The following FILIP1L variants were observed in gnomAD, a reference collection of about 807,000 sequenced individuals.
FILIP1L encodes filamin A-interacting protein 1-like.
In FILIP1L, 55 loss-of-function variants were observed where a neutral mutation model predicts 96.6. The observed-to-expected ratio is 0.57, with a 90% CI of 0.46 to 0.71. FILIP1L has a LOEUF of 0.71. Among genes scored for constraint, FILIP1L ranks in the 30% least tolerant of loss-of-function variants. The probability of loss-of-function intolerance (pLI) is 0.00; values close to 1 mark genes in which losing one functional copy is unlikely to be tolerated. For synonymous variants in FILIP1L, 467 were observed against 473.9 expected, an observed-to-expected ratio of 0.99 and a Z score of 0.19; for missense variants, 1,304 against 1,321.2, an observed-to-expected ratio of 0.99 and a Z score of 0.20.
chr3:99,938,453 CAT>C (rs1707758340), intron 1 of FILIP1L, among the ~76,000 whole-genome samples: 2 of 152,306 alleles, frequency 1.3e-5, no homozygotes, highest in South Asian at 4.2e-4. Context: ...GTACGACACT[CAT>C]GGCCAAGGAA....
chr3:99,992,921 T>A (rs1026230114), intron 1 of FILIP1L, among the ~76,000 whole-genome samples: 4 of 152,022 alleles, frequency 2.6e-5, no homozygotes, highest in African/African-American at 9.7e-5. Context: ...TTGAACAGGT[T>A]GTCATTTCCT....
At position 100,037,470 on chromosome 3, in the gene FILIP1L, A is replaced by ACG. The variant is rs529722609; in HGVS notation, c.-11+76582_-11+76583insCG. ...CAAACAGACACACACACACACACGCACATTGTTATCTTCACTTTAAATAAA... is the reference window on the plus strand; with the variant it reads ...CAAACAGACACACACACACACACGCACGCATTGTTATCTTCACTTTAAATAAA... On this transcript the variant is annotated intron_variant, in intron 1 of 5. Coordinates refer to ENST00000477258, the MANE Select transcript of FILIP1L (RefSeq NM_001387850.1). 8.7e-4 allele frequency among the ~76,000 whole-genome samples: 133 copies of ACG among 152,100 alleles called. 1 individual carries two copies. In the South Asian group the frequency reaches 0.017, roughly 19 times the overall value.
At position 99,848,914 on chromosome 3, in the gene FILIP1L, C is replaced by G; in HGVS notation, c.2762G>C (p.Ser921Thr). ...VQNTATLEITSPTTESPHSYT... is the reference protein window; with the variant it reads ...VQNTATLEITTPTTESPHSYT... ...AGAGTGAGGACTCTCTGTGGTTGGA[C>G]TTGTGATTTCAAGAGTGGCTGTGTT... is the stretch of plus-strand genomic sequence containing the variant. The change falls in exon 5 of 6, where the codon AGT becomes ACT. Residue 921 changes from serine to threonine, a missense_variant. Physicochemically the swap from Ser to Thr is moderately conservative, Grantham distance 58. Coordinates refer to ENST00000477258, the MANE Select transcript of FILIP1L (RefSeq NM_001387850.1). The G allele has an allele frequency of 3.1e-6, 5 of 1,614,064 alleles. No individual in the cohort carries two copies. The highest frequency in any genetic ancestry group is 4.2e-6 in the Non-Finnish European group (5 of 1,180,014).
intron 1 of FILIP1L, among the ~76,000 whole-genome samples, chr3:100,078,211 T>G (rs1394522177): frequency 1.3e-5 from 2 of 152,178 alleles, no homozygotes; most frequent in Non-Finnish European, 2.9e-5. Flanking sequence ...AATTAACTTT[T>G]CAAAGTGTTG....
At chr3:100,076,657 C>T (rs913689465) in intron 1 of FILIP1L, among the ~76,000 whole-genome samples, 1 of 152,182 alleles carries the variant, frequency 6.6e-6, no homozygotes, top group Admixed American at 6.5e-5. Flanking sequence ...GTGTACTTTA[C>T]TGTTCATTTT....
chr3:99,983,510 GTA>G (rs1312874010), intron 1 of FILIP1L, among the ~76,000 whole-genome samples: 6 of 82,424 alleles, frequency 7.3e-5, no homozygotes, highest in African/African-American at 2.9e-4. Flanking sequence ...ATATATATAT[GTA>G]TATATATACA....
intron 4 of FILIP1L, among the ~76,000 whole-genome samples, chr3:99,872,069 C>T (rs1031227919): frequency 2.0e-5 from 3 of 152,196 alleles, no homozygotes; most frequent in East Asian, 1.9e-4. Context: ...CTCCTCTCTT[C>T]CTAGCACTAA....
At chr3:100,075,610 C>G (rs552438905) in intron 1 of FILIP1L, 34 of 150,290 alleles carry the variant, frequency 2.3e-4, no homozygotes, top group African/African-American at 8.1e-4. Context: ...ATGGCAGACT[C>G]TGTTTTCTTT....
intron 1 of FILIP1L, among the ~76,000 whole-genome samples, chr3:100,054,793 C>T (rs911412837): frequency 6.6e-6 from 1 of 152,160 alleles, no homozygotes; most frequent in Non-Finnish European, 1.5e-5. Flanking sequence ...CTCTGGATCC[C>T]GTAACCTTGC....
intron 1 of FILIP1L, among the ~76,000 whole-genome samples, chr3:99,934,536 T>G (rs537869857): frequency 1.3e-5 from 2 of 152,350 alleles, no homozygotes; most frequent in Admixed American, 6.5e-5. Flanking sequence ...CTGCTGCTAA[T>G]CAATGAGAAT....
chr3:99,969,552 G>T (rs186716479), intron 1 of FILIP1L, among the ~76,000 whole-genome samples: 1 of 152,308 alleles, frequency 6.6e-6, no homozygotes, highest in Admixed American at 6.5e-5. Context: ...TTGAAGTAAT[G>T]AGCCGTGCTA....
At chr3:100,058,763 A>G (rs768691903) in intron 1 of FILIP1L, among the ~76,000 whole-genome samples, 3 of 152,372 alleles carry the variant, frequency 2.0e-5, no homozygotes, top group South Asian at 4.1e-4. Flanking sequence ...AGGACGCTGT[A>G]TAACCTCCTT....
At chr3:99,880,784 G>A (rs1264959186) in intron 4 of FILIP1L, among the ~76,000 whole-genome samples, 1 of 151,932 alleles carries the variant, frequency 6.6e-6, no homozygotes, top group African/African-American at 2.4e-5. Context: ...CATGAATACT[G>A]CCAACTATTA....
At chr3:99,971,696 T>C (rs1179354594) in intron 1 of FILIP1L, among the ~76,000 whole-genome samples, 4 of 152,206 alleles carry the variant, frequency 2.6e-5, no homozygotes, top group Non-Finnish European at 5.9e-5. Flanking sequence ...CCTCACACTG[T>C]GGACTCACAG....
chr3:99,856,800 G>C (rs778036809), intron 4 of FILIP1L, among the ~76,000 whole-genome samples: 4 of 152,148 alleles, frequency 2.6e-5, no homozygotes, highest in Non-Finnish European at 5.9e-5. Context: ...TGTCAGCACA[G>C]ATGTGTGCCT....
chr3:99,847,846 G>A lies in FILIP1L; in HGVS notation c.3381+449C>T. The A allele has an allele frequency of 9.5e-6, 6 of 631,298 alleles. No individual in the cohort carries two copies. The South Asian group carries it at 4.1e-4, about 44-fold the overall frequency. The allele number at this position is 631,298 out of a possible 1,614,324, so 39.1% of individuals were successfully genotyped here. ...TTGTTTTTAAGGAAGAATTAATAGA[G>A]ACTATAAGCAAAAGACAAAATTCTA... On this transcript the variant is annotated intron_variant, in intron 5 of 5. Coordinates refer to ENST00000477258, the MANE Select transcript of FILIP1L (RefSeq NM_001387850.1).
chr3:100,021,960 TGAGAGAGAGAGA>T (rs61630053), intron 1 of FILIP1L, among the ~76,000 whole-genome samples: 2,002 of 93,068 alleles, frequency 0.022, 26 homozygotes, highest in Non-Finnish European at 0.028. Context: ...TGTGTGTGTG[TGAGAGAGAGAGA>T]GAGAGAGAGA....
chr3:100,087,520 A>T (rs549252033), intron 1 of FILIP1L, among the ~76,000 whole-genome samples: 3 of 152,226 alleles, frequency 2.0e-5, no homozygotes, highest in East Asian at 3.9e-4. Context: ...CCTATTTTTC[A>T]TCCAAGTATA....
intron 1 of FILIP1L, among the ~76,000 whole-genome samples, chr3:99,983,389 A>ATATATATAT (rs1559713312): frequency 4.2e-4 from 17 of 40,798 alleles, no homozygotes; most frequent in African/African-American, 1.4e-3. Context: ...TAAATAAATA[A>ATATATATAT]ATATATATAT....
Sources: allele counts gnomAD v4.1 joint callset (sites outside exome capture counted in the v4.1 genomes callset), GRCh38; gene constraint gnomAD v4.1.1; transcripts MANE v1.5; gene names NCBI Gene and HGNC (gene_info 2026-07-23, HGNC 2026-07-21).